CADPS2: variants seen among roughly 807,000 people sequenced by gnomAD.
CADPS2 encodes calcium-dependent secretion activator 2.
A neutral mutation model predicts 172.5 loss-of-function variants in CADPS2; 93 were observed. That is an observed-to-expected ratio of 0.54 (90% CI 0.46 to 0.64). The LOEUF is 0.64. Ranked by LOEUF, CADPS2 falls within the 30% of genes least tolerant of loss-of-function variation. The pLI, the probability that CADPS2 is intolerant of heterozygous loss-of-function variation, is 0.00. For synonymous variants in CADPS2, 546 were observed against 555.2 expected (o/e 0.98, Z 0.23); for missense variants, 1,420 against 1,565.9 (o/e 0.91, Z 1.57).
intron 1 of CADPS2, among the ~76,000 whole-genome samples, chr7:122,755,378 A>G (rs995329292): frequency 6.6e-6 from 1 of 152,196 alleles, no homozygotes; most frequent in African/African-American, 2.4e-5. Context: ...TCATGCAATG[A>G]GTAGCTAAAA....
chr7:122,795,743 C>A (rs6960364), intron 1 of CADPS2, among the ~76,000 whole-genome samples: 32,608 of 151,822 alleles, frequency 0.21, 3,717 homozygotes, highest in Middle Eastern at 0.32. Flanking sequence ...ACATACCCAC[C>A]ACAAACATCA....
At chr7:122,828,719 T>C (rs1656740214) in intron 1 of CADPS2, among the ~76,000 whole-genome samples, 1 of 152,238 alleles carries the variant, frequency 6.6e-6, no homozygotes, top group Non-Finnish European at 1.5e-5. Context: ...CAAAAGTCTG[T>C]TAGCAACAAG....
At chr7:122,564,876 C>CACAA (rs1554626296) in intron 7 of CADPS2, among the ~76,000 whole-genome samples, 2 of 147,426 alleles carry the variant, frequency 1.4e-5, no homozygotes, top group African/African-American at 5.0e-5. Context: ...CACACACACA[C>CACAA]AAAACACTAC....
intron 1 of CADPS2, among the ~76,000 whole-genome samples, chr7:122,779,321 G>A (rs560713476): frequency 6.6e-6 from 1 of 152,250 alleles, no homozygotes; most frequent in African/African-American, 2.4e-5. Context: ...CAACTAGGGT[G>A]ACTATTCTAC....
rs571419420 is a variant in CADPS2, at chr7:122,663,470, C to T, written c.553G>A (p.Val185Met). The change falls in exon 3 of 30, where the codon GTG becomes ATG. Residue 185 changes from valine to methionine, a missense_variant. Coordinates refer to ENST00000449022, the MANE Select transcript of CADPS2 (RefSeq NM_017954.11). ...EVFKKNIEKRVRSLPEIDGLS... is the reference protein window; with the variant it reads ...EVFKKNIEKRMRSLPEIDGLS... ...CCATCTATTTCTGGCAAACTCCGCACACGTTTTTCTATGTTTTTCTTAAAT... is the reference window on the plus strand; with the variant it reads ...CCATCTATTTCTGGCAAACTCCGCATACGTTTTTCTATGTTTTTCTTAAAT... 1 of 1,613,936 alleles carries T rather than the reference C, an allele frequency of 6.2e-7. No individual in the cohort carries two copies. Among genetic ancestry groups the T allele is most frequent in the Non-Finnish European group, 8.5e-7 (1 of 1,179,874 alleles).
rs1169403488 is a variant in CADPS2, at chr7:122,645,336, C to T, written c.787-16008G>A. ...GTGTGTATACATGTACATATATACACACATGTACATGTGTGTGTATACATG... is the reference window on the plus strand; with the variant it reads ...GTGTGTATACATGTACATATATACATACATGTACATGTGTGTGTATACATG... On this transcript the variant is annotated intron_variant, in intron 3 of 29. Coordinates refer to ENST00000449022, the MANE Select transcript of CADPS2 (RefSeq NM_017954.11). 6.9e-5 allele frequency among the ~76,000 whole-genome samples: 7 copies of T among 100,904 alleles called. 1 individual carries two copies. Among genetic ancestry groups the T allele is most frequent in the Non-Finnish European group, 1.7e-4 (7 of 41,948 alleles). 66.2% of individuals were successfully genotyped at this position (100,904 alleles called of 152,430 possible). A position where few individuals can be genotyped will look rare whatever the true frequency, so the allele number is the denominator to read the frequency against.
At chr7:122,822,690 A>G (rs1803693314) in intron 1 of CADPS2, among the ~76,000 whole-genome samples, 1 of 151,074 alleles carries the variant, frequency 6.6e-6, no homozygotes, top group South Asian at 2.1e-4. Context: ...ATTCCACCAC[A>G]AAAAAAGTGT....
intron 8 of CADPS2, among the ~76,000 whole-genome samples, chr7:122,552,584 G>A (rs563430181): frequency 6.6e-6 from 1 of 152,076 alleles, no homozygotes; most frequent in African/African-American, 2.4e-5. Context: ...ACCTATCCTG[G>A]AGTATGCTAA....
At chr7:122,742,319 C>A (rs1273649490) in intron 1 of CADPS2, among the ~76,000 whole-genome samples, 1 of 151,664 alleles carries the variant, frequency 6.6e-6, no homozygotes, top group East Asian at 1.9e-4. Flanking sequence ...CGCTTGAACC[C>A]GAGAGGCAGA....
intron 1 of CADPS2, among the ~76,000 whole-genome samples, chr7:122,757,321 G>A (rs946982667): frequency 1.3e-5 from 2 of 151,956 alleles, no homozygotes; most frequent in Admixed American, 1.3e-4. Context: ...GCTAATTTTT[G>A]TATTTTTTGT....
At chr7:122,788,140 G>A (rs1239410444) in intron 1 of CADPS2, among the ~76,000 whole-genome samples, 1 of 152,158 alleles carries the variant, frequency 6.6e-6, no homozygotes, top group Non-Finnish European at 1.5e-5. Context: ...AGGGTTAATA[G>A]GAAACAATAC....
intron 12 of CADPS2, among the ~76,000 whole-genome samples, chr7:122,475,676 C>T (rs1444525743): frequency 6.6e-6 from 1 of 152,082 alleles, no homozygotes; most frequent in Non-Finnish European, 1.5e-5. Context: ...CAACTTTCAG[C>T]CATATTTGTA....
At chr7:122,374,250 C>A (rs573497882) in intron 25 of CADPS2, among the ~76,000 whole-genome samples, 3 of 152,020 alleles carry the variant, frequency 2.0e-5, no homozygotes, top group Non-Finnish European at 4.4e-5. Context: ...ATGAAATTAT[C>A]TCGACATAAT....
At chr7:122,859,041 A>C (rs997429483) in intron 1 of CADPS2, among the ~76,000 whole-genome samples, 7 of 152,210 alleles carry the variant, frequency 4.6e-5, no homozygotes, top group Admixed American at 4.6e-4. Flanking sequence ...GAAAGTTTCT[A>C]ATAGAATTCA....
chr7:122,458,100 T>G (rs2054007340), intron 14 of CADPS2, among the ~76,000 whole-genome samples: 1 of 152,180 alleles, frequency 6.6e-6, no homozygotes. Flanking sequence ...CTGCTTCTGC[T>G]ACGAGGAATG....
chr7:122,609,215 T>C (rs1303921680), intron 6 of CADPS2, among the ~76,000 whole-genome samples: 1 of 152,118 alleles, frequency 6.6e-6, no homozygotes, highest in African/African-American at 2.4e-5. Flanking sequence ...AAAAGACTAG[T>C]ACATATAAGG....
At chr7:122,406,736 C>A (rs2046693015) in intron 20 of CADPS2, among the ~76,000 whole-genome samples, 1 of 152,000 alleles carries the variant, frequency 6.6e-6, no homozygotes, top group South Asian at 2.1e-4. Context: ...TGGGTCAGAA[C>A]CAGAGGTTAG....
At chr7:122,870,324 T>C (rs923296213) in intron 1 of CADPS2, among the ~76,000 whole-genome samples, 1 of 151,908 alleles carries the variant, frequency 6.6e-6, no homozygotes, top group African/African-American at 2.4e-5. Flanking sequence ...TCAGGCAAAA[T>C]AGACTTTAAA....
At chr7:122,621,448 T>C (rs770137263) in intron 5 of CADPS2, 33 bp downstream of exon 5, 4 of 1,333,466 alleles carry the variant, frequency 3.0e-6, no homozygotes, top group Non-Finnish European at 4.3e-6. Flanking sequence ...TCATTTATGC[T>C]GTCAGAGGTG....
Sources: allele counts gnomAD v4.1 joint callset (sites outside exome capture counted in the v4.1 genomes callset), GRCh38; gene constraint gnomAD v4.1.1; transcripts MANE v1.5; gene names NCBI Gene and HGNC (gene_info 2026-07-23, HGNC 2026-07-21).